Variants in HSDL2 observed in about 807,000 individuals in gnomAD.
HSDL2 encodes hydroxysteroid dehydrogenase-like protein 2.
In HSDL2, 27 loss-of-function variants were observed where a neutral mutation model predicts 46.3. The observed-to-expected ratio is 0.58, with a 90% CI of 0.43 to 0.80. The LOEUF (loss-of-function observed/expected upper bound fraction) is 0.80. HSDL2 is among the 30% of genes least tolerant of loss of function. The pLI, the probability that HSDL2 is intolerant of heterozygous loss-of-function variation, is 0.00. For synonymous variants in HSDL2, 153 were observed against 163.6 expected (o/e 0.94, Z 0.50); for missense variants, 451 against 502.7 (o/e 0.90, Z 0.98).
intron 10 of HSDL2, among the ~76,000 whole-genome samples, chr9:112,469,414 G>A (rs1200898083): frequency 2.0e-5 from 3 of 151,918 alleles, no homozygotes; most frequent in African/African-American, 7.3e-5. Flanking sequence ...AAATGAGGCT[G>A]GGCCAGATGG....
intron 6 of HSDL2, among the ~76,000 whole-genome samples, chr9:112,424,503 A>G (rs1832204423): frequency 6.6e-6 from 1 of 151,822 alleles, no homozygotes; most frequent in Admixed American, 6.6e-5. Flanking sequence ...CAATTCTTAC[A>G]TCCTTGGTTT....
chr9:112,405,500 G>A, intron 2 of HSDL2, 124 bp from the exon 3 acceptor site: 1 of 635,100 alleles, frequency 1.6e-6, no homozygotes, highest in South Asian at 2.1e-5. Context: ...CTGGTGGTAA[G>A]ATAGAGTTAT....
At chr9:112,419,671 C>T (rs1832076145) in intron 6 of HSDL2, among the ~76,000 whole-genome samples, 1 of 152,196 alleles carries the variant, frequency 6.6e-6, no homozygotes, top group Non-Finnish European at 1.5e-5. Flanking sequence ...TGTATTCTTA[C>T]TGGCCTTGTC....
At chr9:112,418,012 G>A (rs1832032580) in intron 5 of HSDL2, among the ~76,000 whole-genome samples, 2 of 152,266 alleles carry the variant, frequency 1.3e-5, no homozygotes, top group Admixed American at 1.3e-4. Flanking sequence ...GGGAGGTGGA[G>A]TTTGCAGTGA....
intron 1 of HSDL2, among the ~76,000 whole-genome samples, chr9:112,402,002 G>T (rs1831611228): frequency 6.6e-6 from 1 of 151,836 alleles, no homozygotes. Context: ...CTTTCTTCTG[G>T]AGTGTAATCC....
intron 6 of HSDL2, among the ~76,000 whole-genome samples, chr9:112,429,245 A>AG (rs1471157810): frequency 5.9e-5 from 9 of 152,270 alleles, no homozygotes; most frequent in Middle Eastern, 3.4e-3. Context: ...TCATTCTTAC[A>AG]TGCCAGGCAC....
intron 2 of HSDL2, among the ~76,000 whole-genome samples, chr9:112,404,539 A>G (rs1008160702): frequency 3.1e-4 from 47 of 152,054 alleles, no homozygotes; most frequent in Non-Finnish European, 6.2e-4. Context: ...ATCTCTTAAA[A>G]AAAAAAAAAT....
intron 1 of HSDL2, among the ~76,000 whole-genome samples, chr9:112,397,641 G>T (rs1220350666): frequency 3.9e-5 from 6 of 152,140 alleles, no homozygotes; most frequent in Non-Finnish European, 7.3e-5. Flanking sequence ...TGTGAGCTGA[G>T]CCTGAGTAAT....
chr9:112,468,153 C>T (rs1164271892), intron 10 of HSDL2, among the ~76,000 whole-genome samples: 5 of 151,964 alleles, frequency 3.3e-5, no homozygotes, highest in Admixed American at 1.3e-4. Context: ...TGATGTTGTT[C>T]GTCTTAATCT....
intron 10 of HSDL2, among the ~76,000 whole-genome samples, chr9:112,460,373 A>C (rs1482590416): frequency 6.6e-6 from 1 of 152,232 alleles, no homozygotes; most frequent in East Asian, 1.9e-4. Flanking sequence ...CATCTGAGTC[A>C]ATCTGTATAC....
chr9:112,462,113 CT>C (rs1240594293), intron 10 of HSDL2, among the ~76,000 whole-genome samples: 3 of 152,170 alleles, frequency 2.0e-5, no homozygotes, highest in Non-Finnish European at 4.4e-5. Context: ...TAAGAATTCT[CT>C]TTGATGAGAC....
chr9:112,383,004 CT>C (rs1831132573), intron 1 of HSDL2, among the ~76,000 whole-genome samples: 1 of 140,644 alleles, frequency 7.1e-6, no homozygotes, highest in Admixed American at 7.3e-5. Flanking sequence ...CGAGATCTTT[CT>C]TTCTGTCTTT....
At chr9:112,401,643 C>A (rs1185568364) in intron 1 of HSDL2, among the ~76,000 whole-genome samples, 1 of 149,368 alleles carries the variant, frequency 6.7e-6, no homozygotes, top group Non-Finnish European at 1.5e-5. Flanking sequence ...GATTTAGACT[C>A]AGAGACCTAG....
chr9:112,464,938 T>C (rs193230238), intron 10 of HSDL2, among the ~76,000 whole-genome samples: 83 of 152,274 alleles, frequency 5.5e-4, no homozygotes, highest in African/African-American at 1.9e-3. Flanking sequence ...CAACAACTAA[T>C]CAACTTTCTA....
chr9:112,447,540 T>C (rs1832781399), intron 8 of HSDL2, among the ~76,000 whole-genome samples: 1 of 152,196 alleles, frequency 6.6e-6, no homozygotes, highest in South Asian at 2.1e-4. Context: ...CTCAGTTCTC[T>C]CTGGTGTAAC....
At chr9:112,397,942 G>T (rs1157224534) in intron 1 of HSDL2, among the ~76,000 whole-genome samples, 1 of 152,126 alleles carries the variant, frequency 6.6e-6, no homozygotes, top group African/African-American at 2.4e-5. Flanking sequence ...AGCACGACCG[G>T]ATAAGCCGAC....
chr9:112,442,016 C>T (rs1333740888), intron 8 of HSDL2, among the ~76,000 whole-genome samples: 1 of 151,730 alleles, frequency 6.6e-6, no homozygotes, highest in Non-Finnish European at 1.5e-5. Context: ...AATCCCAGCA[C>T]TTTGGGAGGC....
chr9:112,470,744 G>T lies in HSDL2; in HGVS notation c.*200G>T. On this transcript the variant is annotated 3_prime_UTR_variant, in exon 11 of 11. Transcript: ENST00000398805. ...ATCAAACATAAGCTTCATTAAGTGG[G>T]ATTCTAAGACAGTCTGTGTTTTTAT... 1 of 443,314 alleles carries T rather than the reference G, an allele frequency of 2.3e-6. No homozygotes were observed. Among genetic ancestry groups the T allele is most frequent in the South Asian group, 3.1e-5 (1 of 32,514 alleles). The allele number at this position is 443,314 out of a possible 1,614,324, so 27.5% of individuals were successfully genotyped here. A position where few individuals can be genotyped will look rare whatever the true frequency, so the allele number is the denominator to read the frequency against.
chr9:112,447,424 C>T (rs1021402409), intron 8 of HSDL2, among the ~76,000 whole-genome samples: 4 of 152,118 alleles, frequency 2.6e-5, no homozygotes, highest in Non-Finnish European at 5.9e-5. Context: ...GCTGCAATCT[C>T]CTTGGCACCT....
Sources: gnomAD v4.1 joint callset for allele counts (sites outside exome capture counted in the v4.1 genomes callset) on GRCh38, gnomAD v4.1.1 for gene constraint, MANE v1.5 for transcripts, NCBI Gene and HGNC (gene_info 2026-07-23, HGNC 2026-07-21) for gene names.